PEDS1: variants seen among roughly 807,000 people sequenced by gnomAD.
PEDS1 encodes CarF homolog.
PEDS1 carries 14 observed loss-of-function variants against 35.2 expected under a neutral mutation model. The observed-to-expected ratio is 0.40, with a 90% CI of 0.26 to 0.62. PEDS1 has a LOEUF of 0.62. Ranked by LOEUF, PEDS1 falls within the 20% of genes least tolerant of loss-of-function variation. PEDS1 has a pLI of 0.44. For synonymous variants in PEDS1, 152 were observed against 152.0 expected (o/e 1.00, Z 0.00); for missense variants, 260 against 367.8 (o/e 0.71, Z 2.40).
At chr20:50,141,938 C>G (rs1287807627) in intron 2 of PEDS1, among the ~76,000 whole-genome samples, 1 of 152,174 alleles carries the variant, frequency 6.6e-6, no homozygotes, top group Non-Finnish European at 1.5e-5. Flanking sequence ...GAGTTGAACC[C>G]TTAGGAAGGG....
intron 1 of PEDS1, chr20:50,151,189 G>T: frequency 7.9e-7 from 1 of 1,264,918 alleles, no homozygotes; most frequent in Admixed American, 2.3e-5. Flanking sequence ...GGAGAAACCA[G>T]TTTGGCAAGT....
intron 1 of PEDS1, among the ~76,000 whole-genome samples, chr20:50,148,717 A>G (rs1428233006): frequency 6.6e-6 from 1 of 152,160 alleles, no homozygotes; most frequent in Non-Finnish European, 1.5e-5. Context: ...CCTCAGCCTC[A>G]GGGAGATGGG....
intron 2 of PEDS1, among the ~76,000 whole-genome samples, chr20:50,133,031 T>C (rs945562522): frequency 6.7e-4 from 102 of 152,200 alleles, no homozygotes; most frequent in Middle Eastern, 3.4e-3. Context: ...TGTCAACTGG[T>C]TGTCCAAGAT....
At chr20:50,134,713 C>T (rs543003517) in intron 2 of PEDS1, among the ~76,000 whole-genome samples, 1 of 152,340 alleles carries the variant, frequency 6.6e-6, no homozygotes, top group South Asian at 2.1e-4. Context: ...CTTCCCCTCT[C>T]TAAACCTTGG....
chr20:50,132,978 C>T (rs2081195187), intron 2 of PEDS1, among the ~76,000 whole-genome samples: 1 of 152,154 alleles, frequency 6.6e-6, no homozygotes, highest in African/African-American at 2.4e-5. Flanking sequence ...CCCCCTGGCT[C>T]ATGGGGCTTC....
chr20:50,131,212 C>T, intron 2 of PEDS1: 7 of 739,446 alleles, frequency 9.5e-6, no homozygotes, highest in Non-Finnish European at 1.6e-5. Context: ...ATCAGCTCAA[C>T]CTTTCCCTAT....
Position 50,143,515 on chromosome 20 carries a change from G to A in PEDS1, c.228C>T (p.Val76=). Residue 76 remains valine (V), a synonymous_variant, in exon 2 of 6, where the codon GTC becomes GTT. Coordinates refer to ENST00000371652, the MANE Select transcript of PEDS1 (RefSeq NM_199129.4). ...LLARWEDTPL[V]ILGVVAGALI... is the part of the protein sequence containing the mutation. Reference sequence around the variant, plus strand: ...TCGGGCACTCACCAACACCGAGTATGACGAGGGGTGTGTCCTCCCAGCGGG... The same window carrying A: ...TCGGGCACTCACCAACACCGAGTATAACGAGGGGTGTGTCCTCCCAGCGGG... The A allele has an allele frequency of 1.2e-6, 2 of 1,608,854 alleles. No homozygotes were observed. The highest frequency in any genetic ancestry group is 3.3e-4 in the Middle Eastern group (2 of 6,054).
chr20:50,137,959 A>C (rs2081253784), intron 2 of PEDS1, among the ~76,000 whole-genome samples: 1 of 152,214 alleles, frequency 6.6e-6, no homozygotes, highest in Non-Finnish European at 1.5e-5. Context: ...GGATCCAGGA[A>C]CAGAAGAAGG....
intron 5 of PEDS1, 101 bp from the exon 6 acceptor site, chr20:50,125,280 G>A: frequency 6.8e-7 from 1 of 1,475,220 alleles, no homozygotes; most frequent in Non-Finnish European, 9.3e-7. Flanking sequence ...CCAATGAGGA[G>A]TGAGTCAGTA....
Position 50,121,747 on chromosome 20 carries a change from C to A in PEDS1, c.*3311G>T, listed in dbSNP as rs187153533. On this transcript the variant is annotated 3_prime_UTR_variant, in exon 6 of 6. Transcript: ENST00000371652. The stretch of plus-strand genomic sequence containing the variant: ...TGCTCTACCCTTACTACCTGTGGGA[C>A]CTTGGGGGAGTCACTTTACCTCTCT... 3 of 152,234 alleles carry A rather than the reference C, an allele frequency of 2.0e-5. No individual in the cohort carries two copies. The highest frequency in any genetic ancestry group is 6.5e-5 in the Admixed American group (1 of 15,282). The allele number at this position is 152,234 out of a possible 1,614,324, so 9.4% of individuals were successfully genotyped here.
At chr20:50,130,652 T>TG (rs2081168483) in intron 3 of PEDS1, among the ~76,000 whole-genome samples, 1 of 152,224 alleles carries the variant, frequency 6.6e-6, no homozygotes, top group Admixed American at 6.5e-5. Flanking sequence ...TCTAAACTCT[T>TG]GGACCATCCC....
chr20:50,147,011 G>A (rs889170124), intron 1 of PEDS1, among the ~76,000 whole-genome samples: 1 of 152,158 alleles, frequency 6.6e-6, no homozygotes. Context: ...ACACGGAGAG[G>A]CGGTGAGAAG....
intron 5 of PEDS1, among the ~76,000 whole-genome samples, chr20:50,127,353 T>G (rs1309799446): frequency 1.4e-5 from 2 of 145,554 alleles, no homozygotes; most frequent in Non-Finnish European, 3.0e-5. Context: ...TTTTTTTTTT[T>G]TTTTTTTTTT....
chr20:50,143,800 C>T, intron 1 of PEDS1, among the ~76,000 whole-genome samples, 179 bp from the exon 2 acceptor site: 3 of 151,902 alleles, frequency 2.0e-5, no homozygotes, highest in Admixed American at 6.6e-5. Context: ...CAGGTTCAAT[C>T]GATTCTCCTG....
At chr20:50,132,330 T>A (rs2081188723) in intron 2 of PEDS1, among the ~76,000 whole-genome samples, 1 of 152,228 alleles carries the variant, frequency 6.6e-6, no homozygotes, top group African/African-American at 2.4e-5. Flanking sequence ...GTAGCTTTTT[T>A]ATTCCCACTT....
intron 1 of PEDS1, among the ~76,000 whole-genome samples, chr20:50,148,528 C>T (rs371184757): frequency 3.9e-5 from 6 of 152,116 alleles, no homozygotes; most frequent in Non-Finnish European, 7.4e-5. Flanking sequence ...GGGCTGGCCT[C>T]GTGTGGTAGG....
intron 2 of PEDS1, among the ~76,000 whole-genome samples, chr20:50,134,373 T>C (rs547574144): frequency 8.0e-4 from 122 of 152,110 alleles, no homozygotes; most frequent in African/African-American, 2.9e-3. Flanking sequence ...TGGTGAAACC[T>C]TGTCTCTACA....
rs1448722718 is a variant in PEDS1 at position 50,129,321 on chromosome 20, G to GGCC, written c.478+224_478+225insGGC. On this transcript the variant is annotated intron_variant, in intron 4 of 5. Transcript: ENST00000371652. This position sits in a 1 kb window ranked among gnomAD's most constrained non-coding sequence, Gnocchi z 4.2. ...GGCTGCAGCTCAGCTCCCACCCAGT[G>GGCC]AGGCCAGGTGGGAACATGGACCCAG... 1.3e-5 allele frequency among the ~76,000 whole-genome samples: 2 copies of GGCC among 152,212 alleles called. No individual in the cohort carries two copies. Among genetic ancestry groups the GGCC allele is most frequent in the African/African-American group, 4.8e-5 (2 of 41,446 alleles).
At chr20:50,137,749 T>C (rs2081251512) in intron 2 of PEDS1, among the ~76,000 whole-genome samples, 1 of 152,178 alleles carries the variant, frequency 6.6e-6, no homozygotes, top group Non-Finnish European at 1.5e-5. Flanking sequence ...CGCGCGCTTG[T>C]AGTCCCAGCT....
Sources: allele counts gnomAD v4.1 joint callset (sites outside exome capture counted in the v4.1 genomes callset), GRCh38; gene constraint gnomAD v4.1.1; non-coding constraint Gnocchi (gnomAD v3.1); transcripts MANE v1.5; gene names NCBI Gene and HGNC (gene_info 2026-07-23, HGNC 2026-07-21).